Variants in DGKB observed in about 807,000 individuals in gnomAD.
DGKB encodes diacylglycerol kinase beta.
Under a neutral mutation model 114.3 loss-of-function variants are expected in DGKB, and 67 were observed. The ratio of observed to expected loss-of-function variants is 0.59; its 90% CI spans 0.48 to 0.72. The LOEUF is 0.72. DGKB is among the 30% of genes least tolerant of loss of function. The pLI is 0.00. For missense variants in DGKB, 907 were observed against 975.2 expected, an observed-to-expected ratio of 0.93 and a Z score of 0.93; for synonymous variants, 398 against 323.1, an observed-to-expected ratio of 1.23 and a Z score of -2.49.
At chr7:14,655,576 T>C (rs553120224) in intron 13 of DGKB, among the ~76,000 whole-genome samples, 4 of 151,872 alleles carry the variant, frequency 2.6e-5, no homozygotes, top group Admixed American at 6.6e-5. Context: ...CAAAGTGACA[T>C]CTTCACCCCC....
intron 23 of DGKB, among the ~76,000 whole-genome samples, chr7:14,189,401 T>G (rs922636660): frequency 1.3e-5 from 2 of 151,904 alleles, no homozygotes; most frequent in African/African-American, 4.8e-5. Context: ...AAACAAATAA[T>G]GTACTGCAGA....
chr7:14,692,993 A>G (rs1823145464), intron 9 of DGKB, among the ~76,000 whole-genome samples: 1 of 152,178 alleles, frequency 6.6e-6, no homozygotes. Flanking sequence ...ATATTTTTAT[A>G]TATACTCATA....
At chr7:14,398,866 T>C (rs1481828788) in intron 21 of DGKB, among the ~76,000 whole-genome samples, 1 of 151,874 alleles carries the variant, frequency 6.6e-6, no homozygotes, top group African/African-American at 2.4e-5. Flanking sequence ...TTGAAATTCA[T>C]TAAGGTTTTC....
At chr7:14,415,870 A>G (rs199524098) in intron 21 of DGKB, among the ~76,000 whole-genome samples, 37,330 of 152,010 alleles carry the variant, frequency 0.25, 5,373 homozygotes, top group East Asian at 0.47. Flanking sequence ...TGGTTGAACT[A>G]GTTTACAGTC....
intron 22 of DGKB, among the ~76,000 whole-genome samples, chr7:14,342,772 A>C (rs917503665): frequency 6.6e-6 from 1 of 151,870 alleles, no homozygotes; most frequent in Non-Finnish European, 1.5e-5. Context: ...ATAATAGGTA[A>C]ATCTTAACTA....
At chr7:14,421,619 A>G (rs1489170496) in intron 21 of DGKB, among the ~76,000 whole-genome samples, 2 of 152,086 alleles carry the variant, frequency 1.3e-5, no homozygotes, top group African/African-American at 4.8e-5. Context: ...TTGCCTTTCA[A>G]TCTTTATCAA....
At chr7:14,514,557 G>A (rs1342575024) in intron 20 of DGKB, among the ~76,000 whole-genome samples, 3 of 152,078 alleles carry the variant, frequency 2.0e-5, no homozygotes, top group Admixed American at 6.5e-5. Flanking sequence ...ATATGGATGG[G>A]TAACTTAATT....
chr7:14,584,018 C>T (rs1294568681), intron 17 of DGKB, among the ~76,000 whole-genome samples: 3 of 152,210 alleles, frequency 2.0e-5, no homozygotes, highest in Non-Finnish European at 2.9e-5. Context: ...TACAAATTTT[C>T]GTACATAAAT....
chr7:14,661,798 A>T (rs1256097511), intron 13 of DGKB, among the ~76,000 whole-genome samples: 1 of 152,048 alleles, frequency 6.6e-6, no homozygotes, highest in Admixed American at 6.6e-5. Flanking sequence ...AAGACTTGGA[A>T]CCAACCCAAA....
intron 23 of DGKB, among the ~76,000 whole-genome samples, chr7:14,190,293 A>G (rs1784107774): frequency 6.6e-6 from 1 of 152,232 alleles, no homozygotes; most frequent in African/African-American, 2.4e-5. Context: ...TAGATAACCA[A>G]TGGGTCAGTG....
rs763165374 is a variant in DGKB, at chr7:14,718,629, T to A, written c.379A>T (p.Thr127Ser). The change falls in exon 6 of 26, where the codon ACG (threonine) becomes TCG (serine). Residue 127 changes from threonine to serine, a missense_variant. By Grantham distance (58) the Thr-to-Ser change is moderately conservative. Transcript: ENST00000402815. ...TPPRTTSPANTCSPEVIHLKD... is the reference protein window; with the variant it reads ...TPPRTTSPANSCSPEVIHLKD... ...AGATGGATTACTTCTGGGGAACACGTATTTGCAGGAGAAGTAGTCCGGGGA... is the reference window on the plus strand; with the variant it reads ...AGATGGATTACTTCTGGGGAACACGAATTTGCAGGAGAAGTAGTCCGGGGA... The A allele has an allele frequency of 6.2e-7, 1 of 1,612,402 alleles. No homozygotes were observed. The highest frequency in any genetic ancestry group is 8.5e-7 in the Non-Finnish European group (1 of 1,178,764).
chr7:14,267,001 C>T (rs892482996), intron 23 of DGKB, among the ~76,000 whole-genome samples: 29 of 98,424 alleles, frequency 2.9e-4, no homozygotes, highest in African/African-American at 1.5e-3. Flanking sequence ...AGATAATGAA[C>T]AAGTTGGTTT....
chr7:14,548,022 C>A (rs935590725), intron 20 of DGKB, among the ~76,000 whole-genome samples: 2 of 152,118 alleles, frequency 1.3e-5, no homozygotes, highest in Admixed American at 1.3e-4. Flanking sequence ...AGAATAACAT[C>A]GTTACCTTTA....
At chr7:14,899,104 A>G (rs1782569934) in intron 1 of DGKB, among the ~76,000 whole-genome samples, 1 of 152,138 alleles carries the variant, frequency 6.6e-6, no homozygotes, top group African/African-American at 2.4e-5. Flanking sequence ...CTGTGATAAG[A>G]CAAGTGACAG....
intron 1 of DGKB, among the ~76,000 whole-genome samples, chr7:14,942,397 C>A (rs1423011297): frequency 3.3e-5 from 5 of 151,896 alleles, no homozygotes; most frequent in African/African-American, 9.7e-5. Flanking sequence ...TATTTCCATT[C>A]CTGTTCATTT....
chr7:14,316,655 C>CA (rs1320525135), intron 23 of DGKB, among the ~76,000 whole-genome samples: 2 of 137,434 alleles, frequency 1.5e-5, no homozygotes, highest in African/African-American at 5.6e-5. Flanking sequence ...GCTTACCAAC[C>CA]AAAAAGAGTC....
chr7:14,152,456 C>T (rs531891525), intron 25 of DGKB, among the ~76,000 whole-genome samples: 1 of 152,112 alleles, frequency 6.6e-6, no homozygotes, highest in South Asian at 2.1e-4. Flanking sequence ...GGTAGAAGAG[C>T]ATTGCTTACA....
chr7:14,303,463 T>G (rs947699910), intron 23 of DGKB, among the ~76,000 whole-genome samples: 3 of 152,162 alleles, frequency 2.0e-5, no homozygotes, highest in African/African-American at 4.8e-5. Flanking sequence ...CTTTTGATAC[T>G]GTATCTCTTT....
chr7:14,802,087 C>T (rs1425785055), intron 2 of DGKB, among the ~76,000 whole-genome samples: 2 of 152,006 alleles, frequency 1.3e-5, no homozygotes, highest in African/African-American at 4.8e-5. Flanking sequence ...ATTACGATTG[C>T]TGTCCAAGTC....
Sources: allele counts gnomAD v4.1 joint callset (sites outside exome capture counted in the v4.1 genomes callset), GRCh38; gene constraint gnomAD v4.1.1; transcripts MANE v1.5; gene names NCBI Gene and HGNC (gene_info 2026-07-23, HGNC 2026-07-21).